The following TOX variants were observed in gnomAD, a reference collection of about 807,000 sequenced individuals.
TOX encodes thymocyte selection associated high mobility group box, also known as thymocyte selection-associated high mobility group box protein TOX.
A neutral mutation model predicts 53.7 loss-of-function variants in TOX; 11 were observed. That is an observed-to-expected ratio of 0.20 (90% confidence interval 0.13 to 0.34). TOX has a LOEUF of 0.34. Ranked by LOEUF, TOX falls within the 10% of genes least tolerant of loss-of-function variation. The probability of loss-of-function intolerance (pLI) is 1.00; values close to 1 mark genes in which losing one functional copy is unlikely to be tolerated. For missense variants in TOX, 570 were observed against 664.6 expected, an observed-to-expected ratio of 0.86 and a Z score of 1.56; for synonymous variants, 225 against 245.3, an observed-to-expected ratio of 0.92 and a Z score of 0.77.
At chr8:59,014,043 G>A (rs1813964281) in intron 1 of TOX, among the ~76,000 whole-genome samples, 1 of 152,190 alleles carries the variant, frequency 6.6e-6, no homozygotes, top group Non-Finnish European at 1.5e-5. Context: ...GGGTAAGGGG[G>A]ACAGGGAGAG....
intron 1 of TOX, among the ~76,000 whole-genome samples, chr8:59,055,945 T>G (rs1334370485): frequency 6.6e-6 from 1 of 152,042 alleles, no homozygotes; most frequent in Admixed American, 6.5e-5. Context: ...ATCATAAAAA[T>G]TTTTACCCCT....
chr8:59,116,039 G>T (rs2129425258), intron 1 of TOX, among the ~76,000 whole-genome samples: 1 of 152,218 alleles, frequency 6.6e-6, no homozygotes, highest in African/African-American at 2.4e-5. Flanking sequence ...TTCAGGAAGA[G>T]AATATTCATT....
At chr8:58,878,935 C>G (rs1811334010) in intron 3 of TOX, among the ~76,000 whole-genome samples, 1 of 151,854 alleles carries the variant, frequency 6.6e-6, no homozygotes, top group South Asian at 2.1e-4. Context: ...GTGGCGCAAA[C>G]CTGTAGTCCC....
chr8:58,969,585 A>G (rs1016344602), intron 1 of TOX, among the ~76,000 whole-genome samples: 1 of 152,166 alleles, frequency 6.6e-6, no homozygotes, highest in African/African-American at 2.4e-5. Flanking sequence ...AATAATTTTC[A>G]TTGCTTTAGT....
chr8:59,004,333 A>G (rs950665858), intron 1 of TOX, among the ~76,000 whole-genome samples: 13 of 152,138 alleles, frequency 8.5e-5, no homozygotes, highest in African/African-American at 2.4e-5. Flanking sequence ...GTGTAGTTTG[A>G]CTCCAGTCAG....
At chr8:59,073,411 T>C (rs1804234915) in intron 1 of TOX, among the ~76,000 whole-genome samples, 1 of 152,106 alleles carries the variant, frequency 6.6e-6, no homozygotes, top group African/African-American at 2.4e-5. Context: ...ATAACAAATA[T>C]CCAAAACTTT....
chr8:59,060,045 C>T (rs576659167), intron 1 of TOX, among the ~76,000 whole-genome samples: 61 of 151,974 alleles, frequency 4.0e-4, no homozygotes, highest in Non-Finnish European at 7.4e-4. Flanking sequence ...GAGACAAATA[C>T]AAATAAAGCA....
intron 6 of TOX, among the ~76,000 whole-genome samples, chr8:58,823,805 C>T (rs866178361): frequency 2.0e-5 from 3 of 152,004 alleles, no homozygotes; most frequent in Non-Finnish European, 4.4e-5. Flanking sequence ...GGCCTAGGGG[C>T]GAAGAGGGAA....
At chr8:58,985,492 G>A (rs941253952) in intron 1 of TOX, among the ~76,000 whole-genome samples, 1 of 152,132 alleles carries the variant, frequency 6.6e-6, no homozygotes, top group Non-Finnish European at 1.5e-5. Flanking sequence ...GTTGTCAGGG[G>A]CTAGGAGGTA....
rs536157914 is a variant in TOX, at chr8:58,974,728, G to A, written c.103-14720C>T. Among the ~76,000 whole-genome samples, 5 of 152,154 alleles carry A rather than the reference G, an allele frequency of 3.3e-5. No individual in the cohort carries two copies. In the East Asian group the frequency reaches 5.8e-4, roughly 18 times the overall value. On this transcript the variant is annotated intron_variant, in intron 1 of 8. Transcript: ENST00000361421. The stretch of plus-strand genomic sequence containing the variant: ...ACACATAAAAACTGCCACTTGTTAT[G>A]ATCAAAACCTAAAAGCTCTAAGAAA...
At chr8:59,087,143 T>C (rs1804526719) in intron 1 of TOX, among the ~76,000 whole-genome samples, 1 of 152,206 alleles carries the variant, frequency 6.6e-6, no homozygotes, top group Non-Finnish European at 1.5e-5. Flanking sequence ...TTTTTAAAGA[T>C]TTCTATATCT....
At chr8:58,868,145 T>C (rs535500199) in intron 3 of TOX, among the ~76,000 whole-genome samples, 1 of 152,304 alleles carries the variant, frequency 6.6e-6, no homozygotes, top group Admixed American at 6.5e-5. Flanking sequence ...GCAGTTCCTC[T>C]GCACATGCTC....
intron 3 of TOX, among the ~76,000 whole-genome samples, chr8:58,912,261 A>C (rs1811921241): frequency 6.6e-6 from 1 of 152,256 alleles, no homozygotes; most frequent in South Asian, 2.1e-4. Context: ...GTTTTCAGAT[A>C]GGATATTTTG....
intron 1 of TOX, among the ~76,000 whole-genome samples, chr8:59,080,376 T>C (rs1280319019): frequency 6.6e-6 from 1 of 152,144 alleles, no homozygotes; most frequent in East Asian, 1.9e-4. Flanking sequence ...TACCTTGTTC[T>C]ATATTTTACA....
intron 1 of TOX, among the ~76,000 whole-genome samples, chr8:59,076,774 C>T (rs540469970): frequency 1.3e-5 from 2 of 152,222 alleles, no homozygotes; most frequent in South Asian, 4.2e-4. Context: ...ATAGGGCAAA[C>T]CTTTTTAGTA....
rs1435525436 is a variant in TOX at position 58,815,582 on chromosome 8, G to A, written c.1148C>T (p.Pro383Leu). Residue 383 changes from proline (P) to leucine (L), a missense_variant, in exon 7 of 9, where the codon CCT becomes CTT. This residue lies in a region of TOX where 239 missense variants were observed against 250.7 expected (regional missense o/e 0.95). Transcript: ENST00000361421. Reference protein sequence around the residue: ...SHYHQQPGMNPHLTAMHPSLP... With the variant: ...SHYHQQPGMNLHLTAMHPSLP... ...ACTAGGATGCATGGCAGTTAGGTGA[G>A]GATTCATTCCCGGTTGTTGGTGATA... 4 of 1,614,148 alleles carry A rather than the reference G, an allele frequency of 2.5e-6. No individual in the cohort carries two copies. The highest frequency in any genetic ancestry group is 2.2e-5 in the East Asian group (1 of 44,860).
At chr8:59,084,196 T>C (rs1339316798) in intron 1 of TOX, among the ~76,000 whole-genome samples, 1 of 152,204 alleles carries the variant, frequency 6.6e-6, no homozygotes, top group Non-Finnish European at 1.5e-5. Flanking sequence ...AGCTTTCAGG[T>C]ATTTTTTACT....
chr8:58,832,313 G>T (rs964335212), intron 5 of TOX, among the ~76,000 whole-genome samples: 7 of 151,608 alleles, frequency 4.6e-5, no homozygotes, highest in African/African-American at 1.7e-4. Context: ...GACGGACTTT[G>T]CTTACATTCT....
intron 5 of TOX, among the ~76,000 whole-genome samples, chr8:58,835,893 G>C (rs1810537287): frequency 6.6e-6 from 1 of 152,188 alleles, no homozygotes; most frequent in African/African-American, 2.4e-5. Flanking sequence ...AACGAGCCTT[G>C]AAACAATACT....
Sources: gnomAD v4.1 joint callset for allele counts (sites outside exome capture counted in the v4.1 genomes callset) on GRCh38, gnomAD v4.1.1 for gene constraint, gnomAD v4.1.1 regional missense constraint, MANE v1.5 for transcripts, NCBI Gene and HGNC (gene_info 2026-07-23, HGNC 2026-07-21) for gene names.